The following MAD1L1 variants were observed in gnomAD, a reference collection of about 807,000 sequenced individuals.
The protein encoded by MAD1L1 is mitotic spindle assembly checkpoint protein MAD1.
A neutral mutation model predicts 96.9 loss-of-function variants in MAD1L1; 95 were observed. The ratio of observed to expected loss-of-function variants is 0.98; its 90% CI spans 0.83 to 1.16. MAD1L1 has a LOEUF of 1.16. MAD1L1 is among the 50% of genes most tolerant of loss of function. MAD1L1 has a pLI of 0.00. For synonymous variants in MAD1L1, 473 were observed against 396.6 expected, an observed-to-expected ratio of 1.19 and a Z score of -2.29; for missense variants, 1,007 against 954.4, an observed-to-expected ratio of 1.06 and a Z score of -0.73.
intron 12 of MAD1L1, among the ~76,000 whole-genome samples, chr7:2,024,515 T>C (rs1250700612): frequency 6.6e-6 from 1 of 152,228 alleles, no homozygotes; most frequent in African/African-American, 2.4e-5. Context: ...GCCAATTTCC[T>C]TCAACTCCCA....
At chr7:1,935,672 T>C (rs1246853970) in intron 17 of MAD1L1, among the ~76,000 whole-genome samples, 2 of 152,358 alleles carry the variant, frequency 1.3e-5, no homozygotes, top group East Asian at 3.9e-4. Flanking sequence ...TGCACCTGCA[T>C]GCTCACAGGG....
chr7:1,943,095 C>T (rs1174239747), intron 16 of MAD1L1, among the ~76,000 whole-genome samples: 2 of 152,154 alleles, frequency 1.3e-5, no homozygotes, highest in Non-Finnish European at 2.9e-5. Flanking sequence ...AAGCTGGGCC[C>T]CACCTCCCAC....
chr7:1,985,054 A>T (rs558192859), intron 14 of MAD1L1, among the ~76,000 whole-genome samples: 1 of 152,284 alleles, frequency 6.6e-6, no homozygotes, highest in South Asian at 2.1e-4. Flanking sequence ...TCCCTGTTGA[A>T]CTTTATAGTC....
chr7:1,946,450 T>C (rs1779233036), intron 16 of MAD1L1, among the ~76,000 whole-genome samples: 1 of 152,244 alleles, frequency 6.6e-6, no homozygotes, highest in Admixed American at 6.5e-5. Context: ...GGAAAATGGC[T>C]ATAATCTTCT....
intron 10 of MAD1L1, among the ~76,000 whole-genome samples, chr7:2,197,612 GTGA>G (rs1053706196): frequency 6.6e-6 from 1 of 152,160 alleles, no homozygotes; most frequent in Non-Finnish European, 1.5e-5. Context: ...CTCTGACCCG[GTGA>G]GGCACTGGCC....
In MAD1L1 at chr7:2,146,385, G is replaced by A. The variant is rs548624550; in HGVS notation, c.1073+2767C>T. 1.9e-4 allele frequency among the ~76,000 whole-genome samples: 29 copies of A among 151,876 alleles called. No individual in the cohort carries two copies. Among genetic ancestry groups the A allele is most frequent in the African/African-American group, 5.3e-4 (22 of 41,328 alleles). On this transcript the variant is annotated intron_variant, in intron 11 of 18. Coordinates refer to ENST00000265854, the MANE Select transcript of MAD1L1 (RefSeq NM_001013836.2). This position sits in a 1 kb window ranked among gnomAD's most constrained non-coding sequence, Gnocchi z 6.2. ...GCTACGAGGAACAGGGCAACGCCTCGAAGAGGGAGCACCGGGCACTGGGCT... is the reference window on the plus strand; with the variant it reads ...GCTACGAGGAACAGGGCAACGCCTCAAAGAGGGAGCACCGGGCACTGGGCT...
intron 10 of MAD1L1, among the ~76,000 whole-genome samples, chr7:2,153,200 G>T (rs1445897404): frequency 6.6e-6 from 1 of 152,114 alleles, no homozygotes; most frequent in Non-Finnish European, 1.5e-5. Flanking sequence ...CTACATCAAA[G>T]TAAAAAGCTT....
chr7:1,903,561 T>A (rs1372370018), intron 17 of MAD1L1, among the ~76,000 whole-genome samples: 1 of 142,806 alleles, frequency 7.0e-6, no homozygotes. Flanking sequence ...GAATTCATGA[T>A]TGATGAAGCA....
At chr7:2,120,028 T>C (rs1787898625) in intron 11 of MAD1L1, among the ~76,000 whole-genome samples, 1 of 152,174 alleles carries the variant, frequency 6.6e-6, no homozygotes, top group South Asian at 2.1e-4. Context: ...CATCCTCAGA[T>C]CAGGCCCTCC....
intron 18 of MAD1L1, among the ~76,000 whole-genome samples, chr7:1,856,297 C>T (rs556669452): frequency 1.4e-4 from 22 of 152,316 alleles, no homozygotes; most frequent in African/African-American, 4.8e-4. Context: ...AGGAACATCT[C>T]GCTTCGGTTC....
intron 17 of MAD1L1, among the ~76,000 whole-genome samples, chr7:1,907,805 C>A (rs567866595): frequency 6.6e-6 from 1 of 152,248 alleles, no homozygotes; most frequent in Non-Finnish European, 1.5e-5. Flanking sequence ...ACGGACATCA[C>A]GGGTGCTCGG....
At chr7:1,934,143 T>C (rs1789641474) in intron 17 of MAD1L1, among the ~76,000 whole-genome samples, 2 of 152,142 alleles carry the variant, frequency 1.3e-5, no homozygotes, top group African/African-American at 4.8e-5. Flanking sequence ...CGACCCACCC[T>C]CACCTCCTGG....
rs754315690 is a variant in MAD1L1, at chr7:2,146,554, G to A, written c.1073+2598C>T. ...CATACGTGGTCACAAGCACGTGCCCGCTGGTCCGCACAGACGAGGGAAAAT... is the reference window on the plus strand; with the variant it reads ...CATACGTGGTCACAAGCACGTGCCCACTGGTCCGCACAGACGAGGGAAAAT... On this transcript the variant is annotated intron_variant, in intron 11 of 18. Coordinates refer to ENST00000265854, the MANE Select transcript of MAD1L1 (RefSeq NM_001013836.2). This position sits in a 1 kb window ranked among gnomAD's most constrained non-coding sequence, Gnocchi z 6.2. Among the ~76,000 whole-genome samples the A allele has an allele frequency of 6.6e-6, 1 of 152,222 alleles. No homozygotes were observed. The highest frequency in any genetic ancestry group is 1.5e-5 in the Non-Finnish European group (1 of 68,040).
chr7:2,117,847 CAA>C (rs1787788710), intron 11 of MAD1L1, among the ~76,000 whole-genome samples: 1 of 152,098 alleles, frequency 6.6e-6, no homozygotes, highest in Admixed American at 6.5e-5. Flanking sequence ...AGGAAGCACC[CAA>C]CCATGAAGTG....
intron 17 of MAD1L1, among the ~76,000 whole-genome samples, chr7:1,925,054 G>A (rs1789014828): frequency 6.6e-6 from 1 of 152,124 alleles, no homozygotes; most frequent in Non-Finnish European, 1.5e-5. Flanking sequence ...ATAAAAAATG[G>A]AGGACAAACA....
chr7:2,190,617 G>C (rs1318253754), intron 10 of MAD1L1, among the ~76,000 whole-genome samples: 1 of 152,162 alleles, frequency 6.6e-6, no homozygotes, highest in African/African-American at 2.4e-5. Flanking sequence ...GAAGATGACA[G>C]TCCAATTAAA....
chr7:2,117,151 A>C (rs1447292517), intron 11 of MAD1L1, among the ~76,000 whole-genome samples: 1 of 152,222 alleles, frequency 6.6e-6, no homozygotes, highest in Non-Finnish European at 1.5e-5. Flanking sequence ...GTCTCCTGCA[A>C]CATCCACGTT....
At chr7:2,016,494 G>A (rs377433967) in intron 12 of MAD1L1, among the ~76,000 whole-genome samples, 3 of 152,142 alleles carry the variant, frequency 2.0e-5, no homozygotes, top group African/African-American at 4.8e-5. Context: ...CTGAGCCCCC[G>A]CCCAGGCCCC....
chr7:1,860,116 G>C (rs1475939667), intron 18 of MAD1L1, among the ~76,000 whole-genome samples: 82 of 84,584 alleles, frequency 9.7e-4, no homozygotes, highest in Admixed American at 1.1e-3. Context: ...CGGCCTCTGT[G>C]TCCCTAGACC....
Sources: gnomAD v4.1 joint callset for allele counts (sites outside exome capture counted in the v4.1 genomes callset) on GRCh38, gnomAD v4.1.1 for gene constraint, Gnocchi (gnomAD v3.1) non-coding constraint, MANE v1.5 for transcripts, NCBI Gene and HGNC (gene_info 2026-07-23, HGNC 2026-07-21) for gene names.